ICE2: variants seen among roughly 807,000 people sequenced by gnomAD.
ICE2 encodes the protein little elongation complex subunit 2.
ICE2 carries 87 observed loss-of-function variants against 105.4 expected under a neutral mutation model. The observed-to-expected ratio is 0.83, with a 90% CI of 0.69 to 0.99. ICE2 has a LOEUF of 0.99. ICE2 is among the 50% of genes least tolerant of loss of function. ICE2 has a pLI of 0.00. For synonymous variants in ICE2, 399 were observed against 392.0 expected (o/e 1.02, Z -0.21); for missense variants, 1,323 against 1,146.7 (o/e 1.15, Z -2.22).
chr15:60,432,487 G>C (rs190950725), intron 13 of ICE2, among the ~76,000 whole-genome samples: 1 of 151,974 alleles, frequency 6.6e-6, no homozygotes, highest in African/African-American at 2.4e-5. Context: ...ATGGGGTCGG[G>C]CCAATTTTTG....
At chr15:60,452,207 T>C in intron 9 of ICE2, 6 of 943,990 alleles carry the variant, frequency 6.4e-6, no homozygotes, top group Non-Finnish European at 7.6e-6. Flanking sequence ...ATATGTATCA[T>C]AAAAATATTA....
rs1266466567 is a variant in ICE2 at position 60,468,090 on chromosome 15, T to C, written c.379A>G (p.Ile127Val). 6.2e-7 allele frequency: 1 copy of C among 1,613,602 alleles called. No individual in the cohort carries two copies. Among genetic ancestry groups the C allele is most frequent in the Admixed American group, 1.7e-5 (1 of 59,988 alleles). Reference protein sequence around the residue: ...KIPANSKAVGINKNDYLQYLD... With the variant: ...KIPANSKAVGVNKNDYLQYLD... The stretch of plus-strand genomic sequence containing the variant: ...TACTGCAAGTAGTCATTTTTATTTA[T>C]TCCAACAGCTTTGGAATTTGCAGGA... The change falls in exon 4 of 16, where the codon ATA becomes GTA. Residue 127 changes from isoleucine to valine, a missense_variant. Physicochemically the swap from Ile to Val is conservative, Grantham distance 29 (BLOSUM62 3). Transcript: ENST00000261520.
At chr15:60,451,750 C>T (rs933803321) in intron 9 of ICE2, 2 of 346,922 alleles carry the variant, frequency 5.8e-6, no homozygotes, top group Non-Finnish European at 8.1e-6. Flanking sequence ...GGTCCAGGCC[C>T]TTGGTGGAAA....
At chr15:60,451,184 T>G (rs1048611588) in intron 9 of ICE2, 6 of 678,566 alleles carry the variant, frequency 8.8e-6, no homozygotes, top group African/African-American at 2.0e-5. Context: ...AGATACTGTC[T>G]CTAAGTAAAA....
chr15:60,461,030 G>A (rs1040139305), intron 5 of ICE2, among the ~76,000 whole-genome samples: 1 of 144,634 alleles, frequency 6.9e-6, no homozygotes, highest in Non-Finnish European at 1.5e-5. Flanking sequence ...TGGCCTCTAC[G>A]CAGTAGATAC....
intron 9 of ICE2, chr15:60,452,300 T>C (rs1190488564): frequency 4.5e-6 from 4 of 886,352 alleles, no homozygotes; most frequent in African/African-American, 1.8e-5. Context: ...AGCTCTTAAG[T>C]ACAAGAAAAA....
intron 6 of ICE2, 43 bp downstream of exon 6, chr15:60,456,612 ATT>A: frequency 8.7e-7 from 1 of 1,146,796 alleles, no homozygotes; most frequent in Non-Finnish European, 1.2e-6. Context: ...CACACACACT[ATT>A]TCAGACAAAA....
chr15:60,466,644 A>C lies in ICE2; in HGVS notation c.478T>G (p.Cys160Gly). ...LKFLQNSAKK[C>G]AQDYNMLSDD... Reference sequence around the variant, plus strand: ...GAAAGCATATTATAATCCTGCGCACATTTCTTTGCAGAATTCTGCAAAAAC... The same window carrying C: ...GAAAGCATATTATAATCCTGCGCACCTTTCTTTGCAGAATTCTGCAAAAAC... The change falls in exon 5 of 16, where the codon TGT becomes GGT. Residue 160 changes from cysteine to glycine, a missense_variant. Transcript: ENST00000261520. 6.2e-7 allele frequency: 1 copy of C among 1,611,880 alleles called. No individual in the cohort carries two copies. The highest frequency in any genetic ancestry group is 8.5e-7 in the Non-Finnish European group (1 of 1,179,754).
rs933346311 is a variant in ICE2, at chr15:60,429,821, T to C, written c.2562-1134A>G. 6.6e-5 allele frequency among the ~76,000 whole-genome samples: 10 copies of C among 152,186 alleles called. 1 individual carries two copies. The highest frequency in any genetic ancestry group is 6.5e-4 in the Admixed American group (10 of 15,268). On this transcript the variant is annotated intron_variant, in intron 14 of 15. Transcript: ENST00000261520. ...ATTATGATAGTAGGAATAAATAACA[T>C]TTCAAAGATTGAGTTTTAATCAATG...
chr15:60,432,302 C>T (rs191118753), intron 13 of ICE2, among the ~76,000 whole-genome samples: 54 of 151,016 alleles, frequency 3.6e-4, no homozygotes, highest in African/African-American at 1.3e-3. Context: ...ATTCTCTTGC[C>T]TCAGCCTCTC....
intron 3 of ICE2, among the ~76,000 whole-genome samples, chr15:60,473,882 G>C (rs1477094872): frequency 1.3e-5 from 2 of 152,134 alleles, no homozygotes; most frequent in African/African-American, 2.4e-5. Context: ...TTCTGAAACT[G>C]CCTCTTTAAA....
chr15:60,472,467 G>C (rs1265221557), intron 3 of ICE2, among the ~76,000 whole-genome samples: 1 of 151,976 alleles, frequency 6.6e-6, no homozygotes, highest in Non-Finnish European at 1.5e-5. Flanking sequence ...AAAAAGACTA[G>C]AAACATCATA....
chr15:60,458,428 T>C (rs1384644111), intron 5 of ICE2, among the ~76,000 whole-genome samples: 1 of 151,972 alleles, frequency 6.6e-6, no homozygotes, highest in Admixed American at 6.6e-5. Flanking sequence ...AAAGGAAAAA[T>C]ATTTCTGGGC....
At chr15:60,436,988 C>T (rs1037228955) in intron 12 of ICE2, among the ~76,000 whole-genome samples, 3 of 152,016 alleles carry the variant, frequency 2.0e-5, no homozygotes, top group Non-Finnish European at 4.4e-5. Context: ...TGTGGTGGCT[C>T]ACGCCTGAAA....
At chr15:60,463,275 T>C (rs75179646) in intron 5 of ICE2, among the ~76,000 whole-genome samples, 3,219 of 152,250 alleles carry the variant, frequency 0.021, 120 homozygotes, top group African/African-American at 0.069. Context: ...AGAATTTTCT[T>C]AAGAGTACTG....
intron 12 of ICE2, chr15:60,441,726 C>T (rs2063724785): frequency 2.0e-5 from 3 of 152,078 alleles, no homozygotes; most frequent in Admixed American, 2.0e-4. Context: ...GAAATACTAC[C>T]AATAATGACT....
At chr15:60,472,738 G>A (rs909277245) in intron 3 of ICE2, among the ~76,000 whole-genome samples, 2 of 152,036 alleles carry the variant, frequency 1.3e-5, no homozygotes, top group South Asian at 2.1e-4. Context: ...CTATAATCCC[G>A]TCTATTCAGG....
chr15:60,447,132 CA>C (rs928223807), intron 11 of ICE2, among the ~76,000 whole-genome samples: 29 of 151,964 alleles, frequency 1.9e-4, no homozygotes, highest in African/African-American at 6.3e-4. Flanking sequence ...ATATCAAACC[CA>C]AAAGAAACAA....
intron 3 of ICE2, 84 bp from the exon 4 acceptor site, chr15:60,468,406 G>C: frequency 9.5e-7 from 1 of 1,048,266 alleles, no homozygotes; most frequent in South Asian, 1.5e-5. Flanking sequence ...CAATCACCAG[G>C]GAGAATATAG....
Sources: gnomAD v4.1 joint callset for allele counts (sites outside exome capture counted in the v4.1 genomes callset) on GRCh38, gnomAD v4.1.1 for gene constraint, MANE v1.5 for transcripts, NCBI Gene and HGNC (gene_info 2026-07-23, HGNC 2026-07-21) for gene names.